Variants in CAMTA1 observed in about 807,000 individuals in gnomAD.
CAMTA1 encodes the protein calmodulin-binding transcription activator 1.
A neutral mutation model predicts 170.9 loss-of-function variants in CAMTA1; 27 were observed. The observed-to-expected ratio is 0.16, with a 90% CI of 0.12 to 0.22. The LOEUF (loss-of-function observed/expected upper bound fraction) is 0.22, where lower values mean the gene tolerates loss of function less well. Among genes scored for constraint, CAMTA1 ranks in the 10% least tolerant of loss-of-function variants. The pLI is 1.00. For missense variants in CAMTA1, 1,619 were observed against 2,217.2 expected (o/e 0.73, Z 5.42); for synonymous variants, 833 against 891.5 (o/e 0.93, Z 1.17).
chr1:6,887,277 ATCT>A lies in CAMTA1; in HGVS notation c.234+62072_234+62074del, dbSNP rs1339156782. On this transcript the variant is annotated intron_variant, in intron 3 of 22. Coordinates refer to ENST00000303635, the MANE Select transcript of CAMTA1 (RefSeq NM_015215.4). This position sits in a 1 kb window ranked among gnomAD's most constrained non-coding sequence, Gnocchi z 4.1. ...TAGTGTTAATTGAATCTGAGCCTTGATCTTCTTTGAACCTTTAATTTTTTATTT... is the reference window on the plus strand; with the variant it reads ...TAGTGTTAATTGAATCTGAGCCTTGATCTTTGAACCTTTAATTTTTTATTT... 6.6e-6 allele frequency among the ~76,000 whole-genome samples: 1 copy of A among 152,210 alleles called. No homozygotes were observed. The highest frequency in any genetic ancestry group is 1.9e-4 in the East Asian group (1 of 5,192).
At chr1:7,211,819 A>G (rs1317889169) in intron 4 of CAMTA1, among the ~76,000 whole-genome samples, 1 of 152,214 alleles carries the variant, frequency 6.6e-6, no homozygotes, top group Non-Finnish European at 1.5e-5. Flanking sequence ...GTGAGGATAC[A>G]TTCATAGATA....
intron 3 of CAMTA1, among the ~76,000 whole-genome samples, chr1:6,952,936 A>C (rs990609722): frequency 2.0e-5 from 3 of 152,204 alleles, no homozygotes; most frequent in African/African-American, 7.2e-5. Flanking sequence ...CCCGGATCTC[A>C]TCACCCAGAG....
intron 3 of CAMTA1, among the ~76,000 whole-genome samples, chr1:6,922,432 G>A (rs1308883003): frequency 6.6e-6 from 1 of 152,190 alleles, no homozygotes; most frequent in Non-Finnish European, 1.5e-5. Flanking sequence ...TGCTGTTGCA[G>A]TCAGATAGTG....
At position 6,820,192 on chromosome 1, in the gene CAMTA1, A is replaced by G. The variant is rs1557624268; in HGVS notation, c.57A>G (p.Gln19=). The change falls in exon 2 of 23, where the codon CAA becomes CAG. Residue 19 remains glutamine (Q), a synonymous_variant. Transcript: ENST00000303635. ...TTCTGTTTCCTTAGAGCGTTTCCCAAAGTGTATTCTGCGGAACTAGCACCT... is the reference window on the plus strand; with the variant it reads ...TTCTGTTTCCTTAGAGCGTTTCCCAGAGTGTATTCTGCGGAACTAGCACCT... ...LPKTSRKSVS[Q]SVFCGTSTYC... The G allele has an allele frequency of 6.3e-7, 1 of 1,588,870 alleles. No homozygotes were observed. Among genetic ancestry groups the G allele is most frequent in the African/African-American group, 1.3e-5 (1 of 74,526 alleles).
At chr1:7,743,095 C>A (rs2096830075) in intron 16 of CAMTA1, among the ~76,000 whole-genome samples, 1 of 152,174 alleles carries the variant, frequency 6.6e-6, no homozygotes, top group Non-Finnish European at 1.5e-5. Context: ...TCAGGCGATC[C>A]ACCCGCCTCG....
At chr1:6,948,899 A>G (rs1571960678) in intron 3 of CAMTA1, among the ~76,000 whole-genome samples, 1 of 152,338 alleles carries the variant, frequency 6.6e-6, no homozygotes, top group East Asian at 1.9e-4. Context: ...TAAAAGAGCA[A>G]TTCCCACGAG....
intron 4 of CAMTA1, among the ~76,000 whole-genome samples, chr1:7,102,444 T>G (rs1384676943): frequency 2.6e-5 from 4 of 152,130 alleles, no homozygotes; most frequent in Non-Finnish European, 5.9e-5. Flanking sequence ...AGTTTTTTAT[T>G]TTGGCCTTTA....
At chr1:7,457,269 A>G (rs987360243) in intron 5 of CAMTA1, among the ~76,000 whole-genome samples, 8 of 152,182 alleles carry the variant, frequency 5.3e-5, no homozygotes, top group Admixed American at 2.6e-4. Flanking sequence ...TATTTTATTT[A>G]TATCTTTCAA....
At chr1:7,717,336 A>G (rs972862697) in intron 11 of CAMTA1, among the ~76,000 whole-genome samples, 1 of 152,240 alleles carries the variant, frequency 6.6e-6, no homozygotes, top group Non-Finnish European at 1.5e-5. Flanking sequence ...ATTTGTACAT[A>G]GTGCATTACT....
intron 4 of CAMTA1, among the ~76,000 whole-genome samples, chr1:7,101,661 T>C (rs1034819182): frequency 8.5e-5 from 13 of 152,314 alleles, no homozygotes; most frequent in Non-Finnish European, 1.6e-4. Flanking sequence ...TGTATGCACA[T>C]ACACACACAG....
In CAMTA1 at chr1:7,036,480, T is replaced by C. The variant is rs115733241; in HGVS notation, c.235-54824T>C. On this transcript the variant is annotated intron_variant, in intron 3 of 22. Transcript: ENST00000303635. ...TCACCTAGTTTCATATTCAGCTTTA[T>C]TATCACCTATGAAGTAGGACTTACG... Among the ~76,000 whole-genome samples, 483 of 152,356 alleles carry C rather than the reference T, an allele frequency of 3.2e-3. 6 individuals are homozygous for C. The highest frequency in any genetic ancestry group is 0.011 in the African/African-American group (459 of 41,580).
intron 3 of CAMTA1, among the ~76,000 whole-genome samples, chr1:7,066,870 A>T: frequency 6.6e-6 from 1 of 152,230 alleles, no homozygotes; most frequent in African/African-American, 2.4e-5. Context: ...TCATAGGCTC[A>T]GTTTAGAGGA....
intron 3 of CAMTA1, among the ~76,000 whole-genome samples, chr1:7,004,581 T>G (rs1439220719): frequency 6.6e-6 from 1 of 152,200 alleles, no homozygotes; most frequent in Non-Finnish European, 1.5e-5. Flanking sequence ...AAAAGTCTAC[T>G]AAATGGAAAT....
At chr1:7,354,618 T>A (rs775537582) in intron 5 of CAMTA1, among the ~76,000 whole-genome samples, 10 of 152,242 alleles carry the variant, frequency 6.6e-5, no homozygotes, top group Non-Finnish European at 1.2e-4. Context: ...GTAGTTCTGT[T>A]TTAAGTTCTT....
intron 3 of CAMTA1, among the ~76,000 whole-genome samples, chr1:7,075,820 G>T (rs192852682): frequency 2.6e-5 from 4 of 151,978 alleles, no homozygotes; most frequent in Admixed American, 1.3e-4. Flanking sequence ...GTGCCACCAC[G>T]CCCGGCTAAT....
At chr1:7,667,612 G>A (rs1366176952) in intron 9 of CAMTA1, among the ~76,000 whole-genome samples, 1 of 152,114 alleles carries the variant, frequency 6.6e-6, no homozygotes, top group Non-Finnish European at 1.5e-5. Context: ...TGGGCTGGGT[G>A]CAGACCCACA....
intron 3 of CAMTA1, among the ~76,000 whole-genome samples, chr1:6,899,972 G>A (rs951064547): frequency 6.6e-6 from 1 of 152,228 alleles, no homozygotes; most frequent in Non-Finnish European, 1.5e-5. Context: ...TGGATTGTCA[G>A]TTACCTATAA....
At chr1:7,722,320 G>C (rs1577187943) in intron 11 of CAMTA1, among the ~76,000 whole-genome samples, 1 of 152,212 alleles carries the variant, frequency 6.6e-6, no homozygotes, top group Non-Finnish European at 1.5e-5. Flanking sequence ...TTGAAGGTTA[G>C]GAACCCCTGT....
chr1:7,516,608 T>G (rs2149930521), intron 6 of CAMTA1, among the ~76,000 whole-genome samples: 1 of 152,312 alleles, frequency 6.6e-6, no homozygotes, highest in Non-Finnish European at 1.5e-5. Flanking sequence ...TTTCATGTTC[T>G]TCATTTCTCC....
Sources: gnomAD v4.1 joint callset for allele counts (sites outside exome capture counted in the v4.1 genomes callset) on GRCh38, gnomAD v4.1.1 for gene constraint, Gnocchi (gnomAD v3.1) non-coding constraint, MANE v1.5 for transcripts, NCBI Gene and HGNC (gene_info 2026-07-23, HGNC 2026-07-21) for gene names.